The following KCNIP3 variants were observed in gnomAD, a reference collection of about 807,000 sequenced individuals.
KCNIP3 encodes the protein potassium voltage-gated channel interacting protein 3.
Under a neutral mutation model 35.0 loss-of-function variants are expected in KCNIP3, and 28 were observed. That is an observed-to-expected ratio of 0.80 (90% CI 0.59 to 1.10). The LOEUF (loss-of-function observed/expected upper bound fraction) is 1.10, where lower values mean the gene tolerates loss of function less well. Among genes scored for constraint, KCNIP3 ranks in the 50% least tolerant of loss-of-function variants. The pLI is 0.00. For missense variants in KCNIP3, 295 were observed against 338.4 expected, an observed-to-expected ratio of 0.87 and a Z score of 1.01; for synonymous variants, 134 against 133.8, an observed-to-expected ratio of 1.00 and a Z score of -0.01.
chr2:95,307,999 C>T (rs1198060925), intron 1 of KCNIP3, among the ~76,000 whole-genome samples: 2 of 152,184 alleles, frequency 1.3e-5, no homozygotes, highest in Admixed American at 6.5e-5. Flanking sequence ...CGTGTGTGTG[C>T]ATATGTATGT....
intron 2 of KCNIP3, among the ~76,000 whole-genome samples, chr2:95,366,930 T>C (rs1679932485): frequency 6.6e-6 from 1 of 152,222 alleles, no homozygotes; most frequent in Non-Finnish European, 1.5e-5. Context: ...CTGTATATCC[T>C]TTGTCAGATA....
intron 2 of KCNIP3, among the ~76,000 whole-genome samples, chr2:95,324,227 G>A (rs1678665763): frequency 6.6e-6 from 1 of 152,234 alleles, no homozygotes; most frequent in Non-Finnish European, 1.5e-5. Flanking sequence ...TTAATAACGT[G>A]AGGGCCGGGC....
chr2:95,343,997 G>GC (rs5832798), intron 2 of KCNIP3, among the ~76,000 whole-genome samples: 152,130 of 152,140 alleles, frequency 1, 76,060 homozygotes, highest in Middle Eastern at 1. Flanking sequence ...AGGGCTCAGG[G>GC]CCCAGCCTTC....
At chr2:95,379,620 T>C (rs1350810355) in intron 5 of KCNIP3, among the ~76,000 whole-genome samples, 1 of 152,244 alleles carries the variant, frequency 6.6e-6, no homozygotes, top group Non-Finnish European at 1.5e-5. Flanking sequence ...TTTGGAGCGT[T>C]TGAGCACCTG....
chr2:95,319,050 T>G (rs572992756), intron 2 of KCNIP3, among the ~76,000 whole-genome samples: 1 of 152,312 alleles, frequency 6.6e-6, no homozygotes, highest in East Asian at 1.9e-4. Context: ...CTGTCCTGAG[T>G]GCCTTGCACA....
chr2:95,317,134 TGCCCCCGTCCTACTCAGG>T (rs1048790946), intron 2 of KCNIP3, among the ~76,000 whole-genome samples: 9 of 152,154 alleles, frequency 5.9e-5, no homozygotes, highest in Admixed American at 6.5e-5. Context: ...GCCCTACCTA[TGCCCCCGTCCTACTCAGG>T]GCCCCTGGCC....
rs1346868250 is a variant in KCNIP3, at chr2:95,324,407, C to G, written c.181+13887C>G. Among the ~76,000 whole-genome samples the G allele has an allele frequency of 2.0e-5, 3 of 151,120 alleles. 1 individual carries two copies. The highest frequency in any genetic ancestry group is 4.4e-5 in the Non-Finnish European group (3 of 67,726). ...CGGGCGCCTGTAGTCACAGCTACTC[C>G]AGAGGCTGAGGCAGGAGAATGGCGT... is the stretch of plus-strand genomic sequence containing the variant. On this transcript the variant is annotated intron_variant, in intron 2 of 8. Transcript: ENST00000295225.
chr2:95,363,452 G>C (rs755027973), intron 2 of KCNIP3, among the ~76,000 whole-genome samples: 2 of 152,008 alleles, frequency 1.3e-5, no homozygotes, highest in African/African-American at 2.4e-5. Flanking sequence ...TTGTTGGTAC[G>C]TTTGTCTGTT....
chr2:95,382,495 A>G lies in KCNIP3; in HGVS notation c.660+14A>G, dbSNP rs777170055. ...AGGTTCTTCGAGGTGAGCGAGCGCC[A>G]GCCCTGCCTAGGGAGGGGAGCCTGG... is the stretch of plus-strand genomic sequence containing the variant. On this transcript the variant is annotated intron_variant, in intron 7 of 8. Transcript: ENST00000295225. This position sits in a 1 kb window ranked among gnomAD's most constrained non-coding sequence, Gnocchi z 4.5. 2.5e-6 allele frequency: 4 copies of G among 1,575,548 alleles called. No homozygotes were observed. Among genetic ancestry groups the G allele is most frequent in the Non-Finnish European group, 3.5e-6 (4 of 1,159,376 alleles).
At chr2:95,309,586 G>A (rs1052514800) in intron 1 of KCNIP3, among the ~76,000 whole-genome samples, 1 of 152,104 alleles carries the variant, frequency 6.6e-6, no homozygotes, top group Non-Finnish European at 1.5e-5. Flanking sequence ...ACCACGTCTG[G>A]CTAATTTTTG....
At chr2:95,353,042 C>G (rs1388609407) in intron 2 of KCNIP3, among the ~76,000 whole-genome samples, 1 of 152,194 alleles carries the variant, frequency 6.6e-6, no homozygotes, top group Non-Finnish European at 1.5e-5. Context: ...CACCATTAGT[C>G]ATATGGGTTA....
At chr2:95,354,710 G>A (rs1260691995) in intron 2 of KCNIP3, among the ~76,000 whole-genome samples, 2 of 152,202 alleles carry the variant, frequency 1.3e-5, no homozygotes, top group Admixed American at 6.5e-5. Flanking sequence ...GTGACCTTGG[G>A]GCCTGTTGGG....
At chr2:95,347,812 C>T (rs1679414055) in intron 2 of KCNIP3, among the ~76,000 whole-genome samples, 1 of 152,224 alleles carries the variant, frequency 6.6e-6, no homozygotes, top group South Asian at 2.1e-4. Context: ...GGGGCTAGCT[C>T]GTCCTGTTCT....
intron 5 of KCNIP3, among the ~76,000 whole-genome samples, chr2:95,381,248 C>T (rs987374185): frequency 6.6e-6 from 1 of 152,160 alleles, no homozygotes; most frequent in African/African-American, 2.4e-5. Flanking sequence ...CAGACACATG[C>T]GCATGCACTC....
intron 2 of KCNIP3, among the ~76,000 whole-genome samples, chr2:95,333,656 A>C (rs1048750931): frequency 6.6e-6 from 1 of 152,218 alleles, no homozygotes; most frequent in Non-Finnish European, 1.5e-5. Context: ...GTGAGGATTC[A>C]ATGATACTAT....
At chr2:95,365,462 C>G (rs1367483679) in intron 2 of KCNIP3, among the ~76,000 whole-genome samples, 1 of 152,102 alleles carries the variant, frequency 6.6e-6, no homozygotes, top group Non-Finnish European at 1.5e-5. Flanking sequence ...GCACTTGGCC[C>G]CTTATGTCAT....
At chr2:95,343,891 C>T (rs916608364) in intron 2 of KCNIP3, among the ~76,000 whole-genome samples, 8 of 152,048 alleles carry the variant, frequency 5.3e-5, no homozygotes, top group South Asian at 2.1e-4. Flanking sequence ...AGTGACCCCC[C>T]ACCCCGACCC....
At chr2:95,311,122 C>T (rs961536184) in intron 2 of KCNIP3, 25 of 160,752 alleles carry the variant, frequency 1.6e-4, no homozygotes, top group Admixed American at 1.2e-3. Flanking sequence ...TGGTGTTTGC[C>T]GAGTATAACA....
At chr2:95,310,047 G>A (rs550553377) in intron 1 of KCNIP3, among the ~76,000 whole-genome samples, 1 of 152,246 alleles carries the variant, frequency 6.6e-6, no homozygotes, top group Non-Finnish European at 1.5e-5. Context: ...CGACAACCTG[G>A]CCTGTGCCAA....
Sources: allele counts gnomAD v4.1 joint callset (sites outside exome capture counted in the v4.1 genomes callset), GRCh38; gene constraint gnomAD v4.1.1; non-coding constraint Gnocchi (gnomAD v3.1); transcripts MANE v1.5; gene names NCBI Gene and HGNC (gene_info 2026-07-23, HGNC 2026-07-21).